SYNPO: variants seen among roughly 807,000 people sequenced by gnomAD.
SYNPO encodes the protein synaptopodin.
SYNPO carries 19 observed loss-of-function variants against 49.5 expected under a neutral mutation model. That is an observed-to-expected ratio of 0.38 (90% CI 0.27 to 0.56). The LOEUF (loss-of-function observed/expected upper bound fraction) is 0.56. Among genes scored for constraint, SYNPO ranks in the 20% least tolerant of loss-of-function variants. The probability of loss-of-function intolerance (pLI) is 0.68; values close to 1 mark genes in which losing one functional copy is unlikely to be tolerated. For synonymous variants in SYNPO, 536 were observed against 548.0 expected (o/e 0.98, Z 0.31); for missense variants, 1,131 against 1,248.3 (o/e 0.91, Z 1.42).
chr5:150,628,671 G>A (rs752590528), intron 2 of SYNPO, among the ~76,000 whole-genome samples: 2 of 152,226 alleles, frequency 1.3e-5, no homozygotes, highest in East Asian at 3.9e-4. Flanking sequence ...CACTTTGGGA[G>A]GCCAAGGCAG....
chr5:150,634,724 G>A (rs1343794785), intron 2 of SYNPO, among the ~76,000 whole-genome samples: 2 of 151,980 alleles, frequency 1.3e-5, no homozygotes, highest in East Asian at 3.9e-4. Flanking sequence ...GGGAGGCTGA[G>A]GCAGGAGGGT....
chr5:150,624,789 TG>T, intron 2 of SYNPO: 1 of 935,406 alleles, frequency 1.1e-6, no homozygotes, highest in South Asian at 4.8e-5. Flanking sequence ...GCGCGGAGCC[TG>T]GGCCTGGCGC....
chr5:150,628,616 G>GT (rs1300307283), intron 2 of SYNPO, among the ~76,000 whole-genome samples: 1 of 152,200 alleles, frequency 6.6e-6, no homozygotes, highest in Non-Finnish European at 1.5e-5. Context: ...TTTGATCTCT[G>GT]TTAAAATAGC....
intron 1 of SYNPO, among the ~76,000 whole-genome samples, chr5:150,604,801 C>T (rs1756646255): frequency 6.6e-6 from 1 of 152,148 alleles, no homozygotes; most frequent in Non-Finnish European, 1.5e-5. Context: ...AGGTATCAGG[C>T]CTGCTGATAG....
chr5:150,634,289 G>C (rs376116413), intron 2 of SYNPO, among the ~76,000 whole-genome samples: 1 of 152,184 alleles, frequency 6.6e-6, no homozygotes, highest in South Asian at 2.1e-4. Flanking sequence ...AGAGGGGAAG[G>C]AACTTGCCAG....
intron 2 of SYNPO, among the ~76,000 whole-genome samples, chr5:150,625,424 G>A (rs1376093382): frequency 6.6e-6 from 1 of 152,224 alleles, no homozygotes; most frequent in Non-Finnish European, 1.5e-5. Context: ...GGGCGACCGG[G>A]CTCTGGGGTC....
At chr5:150,625,297 C>T (rs941472808) in intron 2 of SYNPO, among the ~76,000 whole-genome samples, 2 of 151,768 alleles carry the variant, frequency 1.3e-5, no homozygotes, top group African/African-American at 4.9e-5. Context: ...AAAGTCGGAC[C>T]GACTTGACCC....
chr5:150,650,747 C>G (rs1445428227), intron 2 of SYNPO: 2 of 1,301,720 alleles, frequency 1.5e-6, no homozygotes, highest in African/African-American at 3.0e-5. Flanking sequence ...CCTGTGGAGT[C>G]AGCCAGCCGA....
chr5:150,657,074 C>T lies in SYNPO; in HGVS notation c.2699C>T (p.Ser900Phe), dbSNP rs775639022. The T allele has an allele frequency of 5.7e-6, 9 of 1,589,618 alleles. No individual in the cohort carries two copies. Among genetic ancestry groups the T allele is most frequent in the African/African-American group, 2.7e-5 (2 of 74,492 alleles). The change falls in exon 3 of 3, where the codon TCC (serine) becomes TTC (phenylalanine). Residue 900 changes from serine to phenylalanine, a missense_variant. Physicochemically the swap from Ser to Phe is radical, Grantham distance 155. Coordinates refer to ENST00000307662, the MANE Select transcript of SYNPO (RefSeq NM_007286.6). ...CGTGGCAGCCTCCCCGCCGAGGCCT[C>T]CTGCACCACCTAGAGCCCCACCCCC... is the stretch of plus-strand genomic sequence containing the variant. ...LKRGSLPAEA[S>F]CTT
intron 1 of SYNPO, chr5:150,615,291 T>C (rs1435478330): frequency 6.6e-6 from 1 of 152,178 alleles, no homozygotes; most frequent in Non-Finnish European, 1.5e-5. Context: ...CAAAAATATT[T>C]GTGTGGGTGG....
intron 1 of SYNPO, among the ~76,000 whole-genome samples, chr5:150,613,522 C>T (rs1268905341): frequency 6.6e-6 from 1 of 152,222 alleles, no homozygotes; most frequent in African/African-American, 2.4e-5. Flanking sequence ...TTTGAGCCTG[C>T]ATTTGCAGTG....
intron 2 of SYNPO, chr5:150,651,098 A>G: frequency 1.8e-6 from 2 of 1,108,654 alleles, no homozygotes; most frequent in Non-Finnish European, 1.1e-6. Context: ...GGGGTGGGGG[A>G]CGTCCCAGGG....
rs931521574 is a variant in SYNPO, at chr5:150,657,411, CT to C, written c.*325del. The C allele has an allele frequency of 2.3e-5, 7 of 310,160 alleles. No homozygotes were observed. Among genetic ancestry groups the C allele is most frequent in the Non-Finnish European group, 3.5e-5 (6 of 171,196 alleles). 19.2% of individuals were successfully genotyped at this position (310,160 alleles called of 1,614,324 possible). ...ACACACACCGATGCACACACACTCT[CT>C]CTTTCTCTCTCTCTCTCTCTCACAC... On this transcript the variant is annotated 3_prime_UTR_variant, in exon 3 of 3. Transcript: ENST00000307662.
intron 2 of SYNPO, among the ~76,000 whole-genome samples, chr5:150,620,843 T>G (rs1207101729): frequency 6.6e-6 from 1 of 152,254 alleles, no homozygotes; most frequent in East Asian, 1.9e-4. Context: ...ACTATGATTG[T>G]GTTCTTGCCT....
At chr5:150,616,643 C>T (rs1210674431) in intron 1 of SYNPO, among the ~76,000 whole-genome samples, 1 of 152,158 alleles carries the variant, frequency 6.6e-6, no homozygotes, top group African/African-American at 2.4e-5. Flanking sequence ...AATCCAAAAC[C>T]TAACTCATCT....
upstream of SYNPO, among the ~76,000 whole-genome samples, chr5:150,637,565 C>T (rs564507790): frequency 7.2e-5 from 11 of 152,292 alleles, no homozygotes; most frequent in South Asian, 6.2e-4. Context: ...GCTGTGAGCG[C>T]GCCTGAGACC....
chr5:150,606,967 T>C (rs1276519236), intron 1 of SYNPO, among the ~76,000 whole-genome samples: 2 of 152,128 alleles, frequency 1.3e-5, no homozygotes, highest in Non-Finnish European at 2.9e-5. Context: ...ATGGATTTAA[T>C]AGTAGCCTTG....
Position 150,656,583 on chromosome 5 carries a change from G to T in SYNPO, c.2208G>T (p.Ser736=). 6.6e-7 allele frequency: 1 copy of T among 1,520,580 alleles called. No individual in the cohort carries two copies. Among genetic ancestry groups the T allele is most frequent in the Non-Finnish European group, 8.8e-7 (1 of 1,141,482 alleles). 94.2% of individuals were successfully genotyped at this position (1,520,580 alleles called of 1,614,324 possible). Residue 736 remains serine, a synonymous_variant, in exon 3 of 3, where the codon TCG becomes TCT. Coordinates refer to ENST00000307662, the MANE Select transcript of SYNPO (RefSeq NM_007286.6). ...TGTCTCCCTCGTGGAGCGAGCGCTC[G>T]GTGTCCCCGCTGCGACCTGAGACCG... ...PPMSPSWSER[S]VSPLRPETEA... is the part of the protein sequence containing the mutation.
At chr5:150,586,947 G>T in the SYNPO span, among the ~76,000 whole-genome samples, 1 of 152,102 alleles carries the variant, frequency 6.6e-6, no homozygotes, top group Non-Finnish European at 1.5e-5. Flanking sequence ...TTCATGGATG[G>T]ATATATGGAT....
Sources: allele counts gnomAD v4.1 joint callset (sites outside exome capture counted in the v4.1 genomes callset), GRCh38; gene constraint gnomAD v4.1.1; transcripts MANE v1.5; gene names NCBI Gene and HGNC (gene_info 2026-07-23, HGNC 2026-07-21).